Variants in TBC1D28 observed in about 807,000 individuals in gnomAD.
TBC1D28 encodes TBC1 domain family, member 28.
A neutral mutation model predicts 29.2 loss-of-function variants in TBC1D28; 20 were observed. The ratio of observed to expected loss-of-function variants is 0.68; its 90% confidence interval spans 0.48 to 0.99. The LOEUF is 0.99. Among genes scored for constraint, TBC1D28 ranks in the 50% least tolerant of loss-of-function variants. The pLI is 0.00. For synonymous variants in TBC1D28, 65 were observed against 90.9 expected (o/e 0.71, Z 1.62); for missense variants, 205 against 243.7 (o/e 0.84, Z 1.06).
upstream of TBC1D28, chr17:18,642,613 C>T (rs1335796885): frequency 1.3e-5 from 2 of 152,258 alleles, no homozygotes; most frequent in Non-Finnish European, 2.9e-5. Context: ...TTGGGGACAG[C>T]ACCCATCGCC....
intron 1 of TBC1D28, 42 bp from the exon 3 acceptor site, chr17:18,641,775 G>A (rs62072828): frequency 0.077 from 15,659 of 203,408 alleles, 788 homozygotes; most frequent in South Asian, 0.13. Flanking sequence ...TCAGTTTTCC[G>A]TAGGAAGCAA....
At chr17:18,636,623 T>C (rs764994643) in intron 8 of TBC1D28, 26 bp from the exon 10 acceptor site, 4 of 1,601,956 alleles carry the variant, frequency 2.5e-6, no homozygotes, top group Non-Finnish European at 3.4e-6. Context: ...AAGAGGGTTT[T>C]GTTTTTTTTG....
chr17:18,638,799 A>G, intron 5 of TBC1D28, 98 bp from the exon 7 acceptor site: 1 of 1,502,768 alleles, frequency 6.7e-7, no homozygotes, highest in South Asian at 1.1e-5. Flanking sequence ...GAAGGGACCC[A>G]ACCTGAAGAA....
At chr17:18,642,938 C>T (rs1382764875), upstream of TBC1D28, 5 of 152,276 alleles carry the variant, frequency 3.3e-5, no homozygotes, top group African/African-American at 1.2e-4. Context: ...TCAAGAGGGC[C>T]CAGAGTCGGT....
intron 2 of TBC1D28, 132 bp from the exon 4 acceptor site, chr17:18,641,485 G>A: frequency 6.9e-6 from 7 of 1,018,400 alleles, no homozygotes; most frequent in Non-Finnish European, 1.0e-5. Context: ...CAGATGACAA[G>A]GGGCCAGACT....
intron 7 of TBC1D28, 66 bp from the exon 9 acceptor site, chr17:18,638,039 GCAGTCATCCCA>G: frequency 6.6e-7 from 1 of 1,513,766 alleles, no homozygotes; most frequent in East Asian, 2.3e-5. Flanking sequence ...GCCCCAAACG[GCAGTCATCCCA>G]CAGTCAGCAC....
chr17:18,643,287 C>T (rs568836197), upstream of TBC1D28, among the ~76,000 whole-genome samples: 81 of 151,936 alleles, frequency 5.3e-4, no homozygotes, highest in African/African-American at 1.6e-3. Flanking sequence ...GTGGCAAGGT[C>T]GGATTCCACA....
At chr17:18,640,145 G>A (rs563256632) in intron 4 of TBC1D28, among the ~76,000 whole-genome samples, 45 of 152,304 alleles carry the variant, frequency 3.0e-4, no homozygotes, top group Admixed American at 1.8e-3. Context: ...TCCACCCTGC[G>A]CAGTGCTGAC....
intron 7 of TBC1D28, 48 bp downstream of exon 8, chr17:18,638,265 C>G (rs1453459874): frequency 6.3e-7 from 1 of 1,599,388 alleles, no homozygotes; most frequent in Non-Finnish European, 8.6e-7. Flanking sequence ...GATCCTGATA[C>G]AGTCTAGCTT....
At chr17:18,642,053 C>T (rs557119852) in exon 1 of TBC1D28, 13 of 157,914 alleles carry the variant, frequency 8.2e-5, no homozygotes, top group Non-Finnish European at 1.8e-4. Flanking sequence ...TAGAGAACAC[C>T]TGGGGGAACC....
At chr17:18,636,438 T>C in exon 9 of TBC1D28, 1 of 1,611,432 alleles carries the variant, frequency 6.2e-7, no homozygotes, top group Non-Finnish European at 8.5e-7. Flanking sequence ...GCCTACTACG[T>C]CCTGGTGGAC....
At chr17:18,643,858 C>T (rs1279061408), upstream of TBC1D28, among the ~76,000 whole-genome samples, 4 of 152,232 alleles carry the variant, frequency 2.6e-5, no homozygotes, top group East Asian at 1.9e-4. Flanking sequence ...CCTCCTCCTG[C>T]GGACACCCAG....
At chr17:18,635,224 C>CTCCA (rs1214269078) in exon 9 of TBC1D28, 2 of 152,978 alleles carry the variant, frequency 1.3e-5, no homozygotes, top group Non-Finnish European at 2.9e-5. Context: ...GCACCACCTG[C>CTCCA]TCCACGCTGT....
intron 5 of TBC1D28, chr17:18,638,930 T>A: frequency 2.5e-6 from 2 of 785,058 alleles, no homozygotes; most frequent in Non-Finnish European, 4.0e-6. Context: ...TTTGGTCAGG[T>A]CCAGCCTTCA....
chr17:18,638,638 A>G, exon 6 of TBC1D28: 11 of 1,614,056 alleles, frequency 6.8e-6, no homozygotes, highest in Non-Finnish European at 8.5e-6. Context: ...GTGCTCCTAT[A>G]TTTTGTCCAG....
chr17:18,636,943 C>G (rs1216915219), intron 8 of TBC1D28, among the ~76,000 whole-genome samples: 1 of 97,884 alleles, frequency 1.0e-5, no homozygotes, highest in Non-Finnish European at 1.9e-5. Context: ...ACCACTGCAG[C>G]CCCTCCCAGA....
In TBC1D28 at chr17:18,636,541, A is replaced by G. The variant is rs756933847; in HGVS notation, c.554T>C (p.Ile185Thr). Reference sequence around the variant, plus strand: ...GTACCAGGAATATCGCTGCCCGGGAATACTCACAGGGTTATATGCAGAATA... The same window carrying G: ...GTACCAGGAATATCGCTGCCCGGGAGTACTCACAGGGTTATATGCAGAATA... The change falls in exon 9 of 9, where the codon ATT becomes ACT. Residue 185 changes from isoleucine (I) to threonine (T), a missense_variant. Coordinates refer to ENST00000345096, the Ensembl canonical transcript of TBC1D28. 8.7e-6 allele frequency: 14 copies of G among 1,613,838 alleles called. No homozygotes were observed. The Middle Eastern group carries it at 1.5e-3, about 171-fold the overall frequency.
chr17:18,644,362 CTT>C (rs2031906825), upstream of TBC1D28: 2 of 152,232 alleles, frequency 1.3e-5, no homozygotes, highest in Non-Finnish European at 2.9e-5. Flanking sequence ...ACCTCTATGT[CTT>C]ATCTCTAAGA....
intron 2 of TBC1D28, 80 bp downstream of exon 3, chr17:18,641,552 C>T (rs2031765655): frequency 4.7e-6 from 3 of 635,600 alleles, no homozygotes; most frequent in Non-Finnish European, 8.3e-6. Context: ...CAGTGGTGGG[C>T]TCCTTCTTGA....
Sources: allele counts gnomAD v4.1 joint callset (sites outside exome capture counted in the v4.1 genomes callset), GRCh38; gene constraint gnomAD v4.1.1; transcripts MANE v1.5; gene names NCBI Gene and HGNC (gene_info 2026-07-23, HGNC 2026-07-21).